BCKDHA: variants seen among roughly 807,000 people sequenced by gnomAD.
The protein encoded by BCKDHA is branched chain keto acid dehydrogenase E1 subunit alpha, also known as 2-oxoisovalerate dehydrogenase subunit alpha, mitochondrial.
Under a neutral mutation model 52.2 loss-of-function variants are expected in BCKDHA, and 43 were observed. The observed-to-expected ratio is 0.82, with a 90% CI of 0.64 to 1.06. The LOEUF (loss-of-function observed/expected upper bound fraction) is 1.06, where lower values mean the gene tolerates loss of function less well. BCKDHA is among the 50% of genes least tolerant of loss of function. The pLI is 0.00. For missense variants in BCKDHA, 527 were observed against 621.3 expected, an observed-to-expected ratio of 0.85 and a Z score of 1.61; for synonymous variants, 234 against 247.9, an observed-to-expected ratio of 0.94 and a Z score of 0.53.
chr19:41,410,547 A>G (rs1407430228), intron 1 of BCKDHA, 90 bp from the exon 2 acceptor site: 2 of 1,465,240 alleles, frequency 1.4e-6, no homozygotes, highest in Non-Finnish European at 1.9e-6. Context: ...ATGCTCAACC[A>G]CCATGCCGCC....
chr19:41,397,855 G>A lies in BCKDHA; in HGVS notation c.28G>A (p.Val10Ile). 6.2e-7 allele frequency: 1 copy of A among 1,614,208 alleles called. No homozygotes were observed. The highest frequency in any genetic ancestry group is 8.5e-7 in the Non-Finnish European group (1 of 1,180,038). ...GGCGGTAGCGATCGCTGCAGCGAGG[G>A]TCTGGCGGCTAAACCGTGGTTTGAG... is the stretch of plus-strand genomic sequence containing the variant. MAVAIAAARVWRLNRGLSQA... is the reference protein window; with the variant it reads MAVAIAAARIWRLNRGLSQA... Residue 10 changes from valine to isoleucine, a missense_variant, in exon 1 of 9, where the codon GTC becomes ATC. By Grantham distance (29) the Val-to-Ile change is conservative. Coordinates refer to ENST00000269980, the MANE Select transcript of BCKDHA (RefSeq NM_000709.4).
Position 41,422,341 on chromosome 19 carries a change from C to T in BCKDHA, c.824C>T (p.Thr275Ile). 6.2e-7 allele frequency: 1 copy of T among 1,614,224 alleles called. No homozygotes were observed. The highest frequency in any genetic ancestry group is 8.5e-7 in the Non-Finnish European group (1 of 1,180,030). Residue 275 changes from threonine to isoleucine, a missense_variant, in exon 6 of 9, where the codon ACC becomes ATC. Transcript: ENST00000269980. ...RNNGYAISTPTSEQYRGDGIA... is the reference protein window; with the variant it reads ...RNNGYAISTPISEQYRGDGIA... Reference sequence around the variant, plus strand: ...AATGGCTACGCCATCTCCACGCCCACCTCTGAGCAGTATCGCGGCGATGGC... The same window carrying T: ...AATGGCTACGCCATCTCCACGCCCATCTCTGAGCAGTATCGCGGCGATGGC...
At chr19:41,419,383 G>A (rs1232441791) in intron 5 of BCKDHA, 87 bp downstream of exon 5, 5 of 1,500,524 alleles carry the variant, frequency 3.3e-6, no homozygotes, top group Middle Eastern at 2.1e-4. Context: ...TGCCTTCTGG[G>A]TGGAATTCTG....
chr19:41,421,830 C>T (rs879313291), intron 5 of BCKDHA, among the ~76,000 whole-genome samples: 8 of 152,054 alleles, frequency 5.3e-5, no homozygotes, highest in Non-Finnish European at 1.0e-4. Context: ...TGCTCAGTAA[C>T]TTGGGCTTGA....
chr19:41,400,003 C>G (rs2039120631), intron 1 of BCKDHA: 1 of 151,908 alleles, frequency 6.6e-6, no homozygotes, highest in African/African-American at 2.4e-5. Flanking sequence ...CCAGGCTGGT[C>G]TCGAACTTCT....
intron 3 of BCKDHA, among the ~76,000 whole-genome samples, chr19:41,413,318 C>A (rs1386096558): frequency 1.3e-5 from 2 of 151,950 alleles, no homozygotes; most frequent in Admixed American, 1.3e-4. Flanking sequence ...AGGCCAGGGA[C>A]CTGAGTGCGT....
At chr19:41,412,380 C>CTTTTTTCTTTTTTTTTTTTTTTTTTT (rs2039263552) in intron 3 of BCKDHA, among the ~76,000 whole-genome samples, 1 of 65,864 alleles carries the variant, frequency 1.5e-5, no homozygotes, top group Non-Finnish European at 3.1e-5. Context: ...GTAGATATTT[C>CTTTTTTCTTTTTTTTTTTTTTTTTTT]TTTTTTTTTT....
intron 4 of BCKDHA, among the ~76,000 whole-genome samples, chr19:41,415,851 G>C (rs2039302854): frequency 6.8e-6 from 1 of 146,786 alleles, no homozygotes; most frequent in African/African-American, 2.5e-5. Context: ...GTTTCACCAT[G>C]TTAGCCAGGA....
At chr19:41,402,925 G>GCCA (rs2123241025) in intron 1 of BCKDHA, among the ~76,000 whole-genome samples, 1 of 133,248 alleles carries the variant, frequency 7.5e-6, no homozygotes, top group African/African-American at 4.2e-5. Flanking sequence ...ACAGGCGTGA[G>GCCA]CCACCATGTG....
At chr19:41,414,294 A>T in intron 4 of BCKDHA, 137 bp downstream of exon 4, 1 of 920,736 alleles carries the variant, frequency 1.1e-6, no homozygotes, top group South Asian at 1.4e-5. Context: ...CAAGAAAGAG[A>T]CAAGCCAGGG....
chr19:41,407,257 C>T (rs897870309), intron 1 of BCKDHA, among the ~76,000 whole-genome samples: 3 of 152,148 alleles, frequency 2.0e-5, no homozygotes, highest in African/African-American at 7.2e-5. Flanking sequence ...AGCCTTCTTA[C>T]AGATAAGGAA....
At chr19:41,417,301 C>T (rs2039316467) in intron 4 of BCKDHA, among the ~76,000 whole-genome samples, 1 of 152,204 alleles carries the variant, frequency 6.6e-6, no homozygotes, top group Admixed American at 6.5e-5. Flanking sequence ...CAGGCACGAG[C>T]CACTGAGCCT....
intron 4 of BCKDHA, 54 bp from the exon 5 acceptor site, chr19:41,419,081 G>C: frequency 6.2e-7 from 1 of 1,604,750 alleles, no homozygotes; most frequent in South Asian, 1.1e-5. Context: ...CCACAGGGCT[G>C]AACTGTCCCC....
At position 41,423,081 on chromosome 19, in the gene BCKDHA, C is replaced by T. The variant is rs2039388075; in HGVS notation, c.1079C>T (p.Pro360Leu). 1 of 1,583,654 alleles carries T rather than the reference C, an allele frequency of 6.3e-7. No individual in the cohort carries two copies. Among genetic ancestry groups the T allele is most frequent in the Non-Finnish European group, 8.6e-7 (1 of 1,164,784 alleles). The change falls in exon 8 of 9, where the codon CCC becomes CTC. Residue 360 changes from proline to leucine, a missense_variant. Transcript: ENST00000269980. ...EVNYWDKQDH[P>L]ISRLRHYLLS... ...AATTACTGGGATAAACAGGACCACC[C>T]CATCTCCCGGCTGCGGCACTATCTG...
intron 3 of BCKDHA, among the ~76,000 whole-genome samples, chr19:41,412,380 CTTTTTT>C (rs530972813): frequency 1.5e-5 from 1 of 65,870 alleles, no homozygotes; most frequent in African/African-American, 5.7e-5. Context: ...GTAGATATTT[CTTTTTT>C]TTTTTTTTTT....
Position 41,424,645 on chromosome 19 carries a change from C to T in BCKDHA, c.*37C>T, listed in dbSNP as rs936860979. The T allele has an allele frequency of 1.3e-6, 2 of 1,552,650 alleles. No homozygotes were observed. Among genetic ancestry groups the T allele is most frequent in the Non-Finnish European group, 1.7e-6 (2 of 1,144,594 alleles). The stretch of plus-strand genomic sequence containing the variant: ...CCCACCCCCACCCATCCTCAGCTAC[C>T]CCGAGAGGTAGCCCCACTCTAAGGG... On this transcript the variant is annotated 3_prime_UTR_variant, in exon 9 of 9. Coordinates refer to ENST00000269980, the MANE Select transcript of BCKDHA (RefSeq NM_000709.4).
rs1385229592 is a variant in BCKDHA, at chr19:41,424,910, G to GGTGGACATGGC, written c.*303_*313dup. ...GGACTAGAAGCCCCTCTGGGCATGG[G>GGTGGACATGGC]GTGGACATGGCAGGTCAGCCTGTGG... On this transcript the variant is annotated 3_prime_UTR_variant, in exon 9 of 9. Coordinates refer to ENST00000269980, the MANE Select transcript of BCKDHA (RefSeq NM_000709.4). The GGTGGACATGGC allele has an allele frequency of 2.9e-6, 1 of 341,478 alleles. No homozygotes were observed. Among genetic ancestry groups the GGTGGACATGGC allele is most frequent in the Admixed American group, 4.4e-5 (1 of 22,616 alleles). 21.2% of individuals were successfully genotyped at this position (341,478 alleles called of 1,614,324 possible).
Position 41,419,291 on chromosome 19 carries a change from C to G in BCKDHA, c.641C>G (p.Pro214Arg), listed in dbSNP as rs767118332. Residue 214 changes from proline to arginine, a missense_variant, in exon 5 of 9, where the codon CCT (proline) becomes CGT (arginine). Transcript: ENST00000269980. The part of the protein sequence containing the change: ...TISSPLATQI[P>R]QAVGAAYAAK... Reference sequence around the variant, plus strand: ...TCCTCTCCACTGGCCACGCAGATCCCTCAGGGTGAGGATGCATGCCCTGTA... The same window carrying G: ...TCCTCTCCACTGGCCACGCAGATCCGTCAGGGTGAGGATGCATGCCCTGTA... 1 of 1,612,964 alleles carries G rather than the reference C, an allele frequency of 6.2e-7. No homozygotes were observed. The highest frequency in any genetic ancestry group is 2.2e-5 in the East Asian group (1 of 44,824).
Position 41,419,309 on chromosome 19 carries a change from G to C in BCKDHA, c.646+13G>C, listed in dbSNP as rs201333801. The stretch of plus-strand genomic sequence containing the variant: ...CAGATCCCTCAGGGTGAGGATGCAT[G>C]CCCTGTACCTTGCACATGTGCAGAC... On this transcript the variant is annotated intron_variant, in intron 5 of 8. Coordinates refer to ENST00000269980, the MANE Select transcript of BCKDHA (RefSeq NM_000709.4). The C allele has an allele frequency of 1.1e-5, 18 of 1,609,042 alleles. No individual in the cohort carries two copies. The highest frequency in any genetic ancestry group is 1.5e-5 in the Non-Finnish European group (18 of 1,177,644).
Sources: gnomAD v4.1 joint callset for allele counts (sites outside exome capture counted in the v4.1 genomes callset) on GRCh38, gnomAD v4.1.1 for gene constraint, MANE v1.5 for transcripts, NCBI Gene and HGNC (gene_info 2026-07-23, HGNC 2026-07-21) for gene names.